The following TNIP3 variants were observed in gnomAD, a reference collection of about 807,000 sequenced individuals.
The protein encoded by TNIP3 is TNFAIP3 interacting protein 3.
In TNIP3, 34 loss-of-function variants were observed where a neutral mutation model predicts 54.1. The observed-to-expected ratio is 0.63, with a 90% CI of 0.48 to 0.84. The LOEUF is 0.84. TNIP3 is among the 40% of genes least tolerant of loss of function. TNIP3 has a pLI of 0.00. For synonymous variants in TNIP3, 134 were observed against 136.8 expected (o/e 0.98, Z 0.14); for missense variants, 366 against 387.6 (o/e 0.94, Z 0.47).
intron 7 of TNIP3, among the ~76,000 whole-genome samples, chr4:121,144,524 C>G (rs1341835593): frequency 6.6e-6 from 1 of 152,158 alleles, no homozygotes; most frequent in Non-Finnish European, 1.5e-5. Flanking sequence ...GCCTCAGCCT[C>G]CAAAATAGCT....
upstream of TNIP3, among the ~76,000 whole-genome samples, chr4:121,221,308 T>C (rs995369644): frequency 1.5e-4 from 23 of 152,210 alleles, no homozygotes; most frequent in African/African-American, 4.3e-4. Flanking sequence ...ATCCTTAAAG[T>C]TCCCTATCAG....
At chr4:121,140,975 C>G (rs1729084213) in intron 9 of TNIP3, among the ~76,000 whole-genome samples, 1 of 152,170 alleles carries the variant, frequency 6.6e-6, no homozygotes, top group African/African-American at 2.4e-5. Context: ...AGTATGAGAA[C>G]TTTCAGGAAG....
At chr4:121,137,843 T>A (rs960415824) in intron 10 of TNIP3, 6 of 423,966 alleles carry the variant, frequency 1.4e-5, no homozygotes, top group Non-Finnish European at 2.9e-5. Flanking sequence ...CAAGTTAGAG[T>A]CCCAGGTGTG....
intron 3 of TNIP3, among the ~76,000 whole-genome samples, chr4:121,176,492 C>G (rs1449806422): frequency 6.7e-6 from 1 of 150,264 alleles, no homozygotes; most frequent in Non-Finnish European, 1.5e-5. Flanking sequence ...AATTTTGAGG[C>G]TCAAGCTCAT....
intron 3 of TNIP3, among the ~76,000 whole-genome samples, chr4:121,171,612 C>T (rs1723943948): frequency 6.6e-6 from 1 of 152,102 alleles, no homozygotes; most frequent in East Asian, 1.9e-4. Context: ...CACCATCTGC[C>T]CCAGAAGAGA....
At position 121,214,153 on chromosome 4, in the gene TNIP3, C is replaced by T. The variant is rs573435804; in HGVS notation, c.68+2262G>A. ...TCTCTTCCTGTCCTGTTGGCTCTCGCCTCTTGTCTTTATTCTTCTTTCCCA... is the reference window on the plus strand; with the variant it reads ...TCTCTTCCTGTCCTGTTGGCTCTCGTCTCTTGTCTTTATTCTTCTTTCCCA... On this transcript the variant is annotated intron_variant, in intron 2 of 12. Transcript: ENST00000507879. Among the ~76,000 whole-genome samples, 5 of 152,204 alleles carry T rather than the reference C, an allele frequency of 3.3e-5. No individual in the cohort carries two copies. The South Asian group carries it at 1.0e-3, about 32-fold the overall frequency.
intron 3 of TNIP3, among the ~76,000 whole-genome samples, chr4:121,180,873 C>T (rs1724653093): frequency 6.6e-6 from 1 of 152,190 alleles, no homozygotes; most frequent in African/African-American, 2.4e-5. Context: ...TCCCCAATTC[C>T]CTTAAGCCTT....
intron 10 of TNIP3, among the ~76,000 whole-genome samples, chr4:121,135,390 CTTTTTTTTTA>C (rs1488623965): frequency 1.3e-5 from 2 of 151,216 alleles, no homozygotes; most frequent in Non-Finnish European, 3.0e-5. Flanking sequence ...ACTTCTTCTT[CTTTTTTTTTA>C]TTTTTTTTTA....
Position 121,147,172 on chromosome 4 carries a change from C to T in TNIP3, c.612G>A (p.Val204=), listed in dbSNP as rs751861005. The T allele has an allele frequency of 6.2e-6, 10 of 1,606,448 alleles. No individual in the cohort carries two copies. The highest frequency in any genetic ancestry group is 8.5e-7 in the Non-Finnish European group (1 of 1,177,532). The change falls in exon 7 of 11, where the codon GTG becomes GTA. Residue 204 remains valine (V), a splice_region_variant and synonymous_variant. Coordinates refer to ENST00000057513, the MANE Select transcript of TNIP3 (RefSeq NM_024873.6). ...TTTTGAAGTCTTCTTCGTATATTTGCACCTAAGAAATATTAGCTTGCTGTT... is the reference window on the plus strand; with the variant it reads ...TTTTGAAGTCTTCTTCGTATATTTGTACCTAAGAAATATTAGCTTGCTGTT... ...RTEMEVLKQQ[V]QIYEEDFKKE...
intron 2 of TNIP3, among the ~76,000 whole-genome samples, chr4:121,209,539 G>A (rs1726367415): frequency 6.6e-6 from 1 of 152,142 alleles, no homozygotes; most frequent in African/African-American, 2.4e-5. Context: ...TATAATGGAT[G>A]CTTAAATGAA....
At chr4:121,148,830 TA>T (rs748117202) in intron 6 of TNIP3, among the ~76,000 whole-genome samples, 1 of 152,232 alleles carries the variant, frequency 6.6e-6, no homozygotes, top group Non-Finnish European at 1.5e-5. Flanking sequence ...AAAATCTTTG[TA>T]CTTAGTACTT....
upstream of TNIP3, among the ~76,000 whole-genome samples, chr4:121,168,757 T>A (rs903931747): frequency 1.3e-5 from 2 of 149,862 alleles, no homozygotes; most frequent in African/African-American, 5.0e-5. Flanking sequence ...TGGCTTTGAA[T>A]GATCCTCCCA....
intron 2 of TNIP3, among the ~76,000 whole-genome samples, chr4:121,212,068 A>G (rs933519377): frequency 9.2e-5 from 14 of 152,220 alleles, no homozygotes; most frequent in Non-Finnish European, 1.9e-4. Context: ...ACATCTCCCA[A>G]ACACTTTCTG....
chr4:121,204,800 G>A (rs1375761987), intron 2 of TNIP3, among the ~76,000 whole-genome samples: 5 of 152,152 alleles, frequency 3.3e-5, no homozygotes, highest in African/African-American at 1.2e-4. Flanking sequence ...TAAATTGGTT[G>A]CAATAATTTT....
At chr4:121,142,581 T>C (rs1729185005) in intron 8 of TNIP3, 145 bp downstream of exon 8, 1 of 721,726 alleles carries the variant, frequency 1.4e-6, no homozygotes, top group South Asian at 1.8e-5. Context: ...CTAAGCACTG[T>C]CTATCCGTTG....
chr4:121,218,066 T>C (rs1213663458), upstream of TNIP3, among the ~76,000 whole-genome samples: 12 of 152,096 alleles, frequency 7.9e-5, no homozygotes, highest in Admixed American at 7.9e-4. Flanking sequence ...TAACTGAAAA[T>C]TATACAGAGG....
In TNIP3 at chr4:121,161,088, A is replaced by G. The variant is rs575600132; in HGVS notation, c.147+48T>C. 5 of 1,354,478 alleles carry G rather than the reference A, an allele frequency of 3.7e-6. No homozygotes were observed. The Admixed American group carries it at 6.0e-5, about 16-fold the overall frequency. The allele number at this position is 1,354,478 out of a possible 1,614,324, so 83.9% of individuals were successfully genotyped here. ...AAGGATAATACATTATTTTATCCTC[A>G]GCATTAATCCATGGCACCTGTGGCT... On this transcript the variant is annotated intron_variant, in intron 2 of 10. Transcript: ENST00000057513.
chr4:121,156,997 T>C lies in TNIP3; in HGVS notation c.363+97A>G. On this transcript the variant is annotated intron_variant, in intron 4 of 10. Transcript: ENST00000057513. ...ACATCGGTCGTTGCTCAGTAGTGAG[T>C]TGATTTTAATAAAACGGTAGGTTTT... The C allele has an allele frequency of 1.2e-5, 19 of 1,526,556 alleles. 1 individual carries two copies. In the South Asian group the frequency reaches 2.0e-4, roughly 16 times the overall value. 94.6% of individuals were successfully genotyped at this position (1,526,556 alleles called of 1,614,324 possible). A position where few individuals can be genotyped will look rare whatever the true frequency, so the allele number is the denominator to read the frequency against.
At chr4:121,158,363 C>A (rs1408282642) in intron 3 of TNIP3, among the ~76,000 whole-genome samples, 1 of 152,184 alleles carries the variant, frequency 6.6e-6, no homozygotes, top group Non-Finnish European at 1.5e-5. Context: ...TCACATATAA[C>A]TTTGTGTATT....
Sources: allele counts gnomAD v4.1 joint callset (sites outside exome capture counted in the v4.1 genomes callset), GRCh38; gene constraint gnomAD v4.1.1; transcripts MANE v1.5; gene names NCBI Gene and HGNC (gene_info 2026-07-23, HGNC 2026-07-21).